DDX4: variants seen among roughly 807,000 people sequenced by gnomAD.
DDX4 encodes DEAD-box helicase 4.
In DDX4, 25 loss-of-function variants were observed where a neutral mutation model predicts 100.0. The ratio of observed to expected loss-of-function variants is 0.25; its 90% CI spans 0.18 to 0.35. The LOEUF is 0.35. Ranked by LOEUF, DDX4 falls within the 10% of genes least tolerant of loss-of-function variation. The probability of loss-of-function intolerance (pLI) is 1.00; values close to 1 mark genes in which losing one functional copy is unlikely to be tolerated. For synonymous variants in DDX4, 259 were observed against 275.7 expected (o/e 0.94, Z 0.60); for missense variants, 635 against 882.4 (o/e 0.72, Z 3.55).
In DDX4 at chr5:55,813,770, T is replaced by C; in HGVS notation, c.1713T>C (p.His571=). The change falls in exon 19 of 22, where the codon CAT becomes CAC. Residue 571 remains histidine (H), a splice_region_variant and synonymous_variant. Transcript: ENST00000505374. ...AAAAAATATCAACTACAAGTATTCA[T>C]GGGTGAGTAGATGAATATAATTACC... ...CQEKISTTSI[H]GDREQREREQ... 1.3e-6 allele frequency: 2 copies of C among 1,583,506 alleles called. No individual in the cohort carries two copies. Among genetic ancestry groups the C allele is most frequent in the South Asian group, 1.2e-5 (1 of 83,136 alleles).
intron 18 of DDX4, 110 bp downstream of exon 18, chr5:55,798,681 G>T: frequency 9.8e-7 from 1 of 1,018,582 alleles, no homozygotes; most frequent in Non-Finnish European, 1.4e-6. Flanking sequence ...TTTGTTTTAA[G>T]TCTCTCTCCC....
intron 9 of DDX4, among the ~76,000 whole-genome samples, chr5:55,781,588 C>A (rs963106287): frequency 2.0e-5 from 3 of 151,936 alleles, no homozygotes; most frequent in Admixed American, 6.6e-5. Flanking sequence ...ACCAGCGTGG[C>A]CAACATGGCA....
At chr5:55,749,295 G>A (rs1759413238) in intron 3 of DDX4, among the ~76,000 whole-genome samples, 3 of 152,220 alleles carry the variant, frequency 2.0e-5, no homozygotes, top group South Asian at 2.1e-4. Flanking sequence ...AGCTGGGCGT[G>A]GTGATGTGCA....
At chr5:55,792,837 T>TTA (rs527472682) in intron 17 of DDX4, 30 bp downstream of exon 17, 877 of 1,204,926 alleles carry the variant, frequency 7.3e-4, no homozygotes, top group African/African-American at 7.3e-3. Flanking sequence ...AATAATTTAA[T>TTA]TATATATATA....
intron 7 of DDX4, among the ~76,000 whole-genome samples, chr5:55,778,679 A>G (rs1433569209): frequency 1.3e-5 from 2 of 152,194 alleles, no homozygotes; most frequent in East Asian, 1.9e-4. Flanking sequence ...AGATCACCTG[A>G]GGTCAGGAGT....
At chr5:55,775,893 G>A (rs1741532097) in intron 7 of DDX4, among the ~76,000 whole-genome samples, 1 of 152,128 alleles carries the variant, frequency 6.6e-6, no homozygotes, top group South Asian at 2.1e-4. Context: ...GGCCGAAGTG[G>A]GTGGATCACC....
intron 16 of DDX4, 113 bp from the exon 17 acceptor site, chr5:55,792,528 T>G: frequency 3.6e-6 from 2 of 549,238 alleles, no homozygotes; most frequent in Non-Finnish European, 5.4e-6. Flanking sequence ...CCTGGCTAAT[T>G]TTTTGTATTT....
intron 19 of DDX4, among the ~76,000 whole-genome samples, chr5:55,814,083 C>G (rs1219661450): frequency 2.6e-5 from 4 of 152,164 alleles, no homozygotes; most frequent in African/African-American, 7.2e-5. Flanking sequence ...GGCCCCTTAT[C>G]AAATTTTCCT....
intron 2 of DDX4, among the ~76,000 whole-genome samples, chr5:55,743,936 TTCAC>T (rs930904476): frequency 2.0e-5 from 3 of 150,314 alleles, no homozygotes; most frequent in African/African-American, 4.9e-5. Context: ...TTTGCCTCTA[TTCAC>T]TCTATAGTAC....
intron 2 of DDX4, among the ~76,000 whole-genome samples, chr5:55,740,126 C>T (rs1214134014): frequency 1.3e-5 from 2 of 152,110 alleles, no homozygotes; most frequent in Non-Finnish European, 2.9e-5. Context: ...TAGACAAGCA[C>T]TCCTGTTAAA....
At chr5:55,799,316 T>A (rs1743156286) in intron 18 of DDX4, among the ~76,000 whole-genome samples, 1 of 152,050 alleles carries the variant, frequency 6.6e-6, no homozygotes, top group Admixed American at 6.6e-5. Flanking sequence ...TCCCACCTTG[T>A]CCTTCCAAAG....
At chr5:55,765,902 TC>T (rs1740891945) in intron 6 of DDX4, among the ~76,000 whole-genome samples, 1 of 152,052 alleles carries the variant, frequency 6.6e-6, no homozygotes, top group African/African-American at 2.4e-5. Context: ...CGTCCAGGGT[TC>T]AAGTGATTCT....
At chr5:55,744,432 T>G (rs1220026030) in intron 2 of DDX4, among the ~76,000 whole-genome samples, 1 of 152,156 alleles carries the variant, frequency 6.6e-6, no homozygotes, top group East Asian at 1.9e-4. Context: ...GAAGTTTACG[T>G]GAGAAGAAAT....
At chr5:55,782,865 G>A (rs1742010128) in intron 10 of DDX4, among the ~76,000 whole-genome samples, 3 of 144,992 alleles carry the variant, frequency 2.1e-5, no homozygotes, top group South Asian at 2.2e-4. Flanking sequence ...GTGTGATCTC[G>A]GCTCACTGCA....
In DDX4 at chr5:55,760,230, A is replaced by T. The variant is rs745864810; in HGVS notation, c.158A>T (p.His53Leu). 1.9e-6 allele frequency: 3 copies of T among 1,566,046 alleles called. No individual in the cohort carries two copies. The highest frequency in any genetic ancestry group is 2.6e-6 in the Non-Finnish European group (3 of 1,162,794). The change falls in exon 4 of 22, where the codon CAT becomes CTT. Residue 53 changes from histidine to leucine, a missense_variant. This residue lies in a region of DDX4 where 446 missense variants were observed against 540.8 expected (regional missense o/e 0.82). Coordinates refer to ENST00000505374, the MANE Select transcript of DDX4 (RefSeq NM_024415.3). ...EMDDGPSRRD[H>L]FMKSGFASGR... ...GATGATGGACCTTCTCGAAGAGATC[A>T]TTTCATGAAAAGTGGATTTGCCTCT...
chr5:55,770,904 T>C (rs1741216564), intron 7 of DDX4, among the ~76,000 whole-genome samples: 1 of 152,240 alleles, frequency 6.6e-6, no homozygotes, highest in African/African-American at 2.4e-5. Context: ...TGAATATCTT[T>C]TGTACTATTA....
chr5:55,771,392 T>C (rs1741245397), intron 7 of DDX4, among the ~76,000 whole-genome samples: 1 of 152,228 alleles, frequency 6.6e-6, no homozygotes, highest in Non-Finnish European at 1.5e-5. Flanking sequence ...AATGGAATCA[T>C]ATAGTATGTA....
At position 55,804,427 on chromosome 5, in the gene DDX4, G is replaced by A. The variant is rs1048529384; in HGVS notation, c.1615+5856G>A. 2.0e-3 allele frequency among the ~76,000 whole-genome samples: 299 copies of A among 152,198 alleles called. 1 individual carries two copies. Among genetic ancestry groups the A allele is most frequent in the African/African-American group, 4.9e-3 (205 of 41,516 alleles). On this transcript the variant is annotated intron_variant, in intron 18 of 21. Coordinates refer to ENST00000505374, the MANE Select transcript of DDX4 (RefSeq NM_024415.3). ...CTATGTCCTGAATGGTAATGCCTAG[G>A]TTTTCTTCTAGGGTTTTTATGGTTT...
At chr5:55,782,937 G>A (rs1368049593) in intron 10 of DDX4, among the ~76,000 whole-genome samples, 2 of 151,178 alleles carry the variant, frequency 1.3e-5, no homozygotes, top group Non-Finnish European at 2.9e-5. Flanking sequence ...CTGGATTACA[G>A]GCACCTGCCA....
Sources: allele counts gnomAD v4.1 joint callset (sites outside exome capture counted in the v4.1 genomes callset), GRCh38; gene constraint gnomAD v4.1.1; regional missense constraint gnomAD v4.1.1; transcripts MANE v1.5; gene names NCBI Gene and HGNC (gene_info 2026-07-23, HGNC 2026-07-21).